The following HOMER2 variants were observed in gnomAD, a reference collection of about 807,000 sequenced individuals.
The protein encoded by HOMER2 is homer protein homolog 2.
A neutral mutation model predicts 47.0 loss-of-function variants in HOMER2; 27 were observed. The observed-to-expected ratio is 0.57, with a 90% CI of 0.42 to 0.79. HOMER2 has a LOEUF of 0.79. Ranked by LOEUF, HOMER2 falls within the 30% of genes least tolerant of loss-of-function variation. HOMER2 has a pLI of 0.00. For missense variants in HOMER2, 443 were observed against 435.0 expected, an observed-to-expected ratio of 1.02 and a Z score of -0.16; for synonymous variants, 161 against 163.8, an observed-to-expected ratio of 0.98 and a Z score of 0.13.
chr15:82,893,583 G>A (rs374594076), intron 1 of HOMER2, among the ~76,000 whole-genome samples: 2 of 150,508 alleles, frequency 1.3e-5, no homozygotes, highest in African/African-American at 4.9e-5. Flanking sequence ...CGCCTGCCTC[G>A]GGCTCCCAAA....
intron 3 of HOMER2, among the ~76,000 whole-genome samples, chr15:82,874,593 G>T (rs193143953): frequency 6.6e-6 from 1 of 152,136 alleles, no homozygotes; most frequent in Non-Finnish European, 1.5e-5. Flanking sequence ...GGCCCTTGGA[G>T]AAGTGACTTG....
rs765127308 is a variant in HOMER2 at position 82,892,102 on chromosome 15, C to T, written c.162+583G>A. Reference sequence around the variant, plus strand: ...GAATAACAAAAATATATATGTATTTCAAGAAATACTCCAAAACCACTTAAT... The same window carrying T: ...GAATAACAAAAATATATATGTATTTTAAGAAATACTCCAAAACCACTTAAT... On this transcript the variant is annotated intron_variant, in intron 2 of 8. Transcript: ENST00000450735. Among the ~76,000 whole-genome samples the T allele has an allele frequency of 8.6e-5, 13 of 151,670 alleles. No individual in the cohort carries two copies. The East Asian group carries it at 1.6e-3, about 18-fold the overall frequency.
At chr15:82,937,896 C>T (rs2054176553) in intron 1 of HOMER2, among the ~76,000 whole-genome samples, 1 of 152,200 alleles carries the variant, frequency 6.6e-6, no homozygotes, top group Non-Finnish European at 1.5e-5. Context: ...TACCAGTGGC[C>T]ACTGGCAGCT....
At chr15:82,955,056 G>A (rs1340601440), upstream of HOMER2, among the ~76,000 whole-genome samples, 8 of 151,650 alleles carry the variant, frequency 5.3e-5, no homozygotes, top group Non-Finnish European at 2.9e-5. Context: ...GATTACAGGC[G>A]TGTGCCACCG....
rs780453833 is a variant in HOMER2, at chr15:82,864,271, G to A, written c.295-12C>T. On this transcript the variant is annotated splice_polypyrimidine_tract_variant and intron_variant, in intron 3 of 8. Transcript: ENST00000450735. ...AATTTCTCTGCAAACTGAACATGAA[G>A]AATAGTTATTAAGGCTTTTATTAAC... 15 of 1,592,128 alleles carry A rather than the reference G, an allele frequency of 9.4e-6. No homozygotes were observed. Among genetic ancestry groups the A allele is most frequent in the African/African-American group, 1.3e-5 (1 of 74,452 alleles).
chr15:82,960,247 G>A (rs1384896553), intron 1 of HOMER2, among the ~76,000 whole-genome samples: 1 of 152,212 alleles, frequency 6.6e-6, no homozygotes, highest in Admixed American at 6.5e-5. Context: ...GAGATAATGA[G>A]TGCAATTTTG....
At chr15:82,843,621 T>A (rs1453695838) in exon 2 of HOMER2, 1 of 151,884 alleles carries the variant, frequency 6.6e-6, no homozygotes, top group East Asian at 1.9e-4. Context: ...AATTTTGTTT[T>A]ACAATGTTTA....
chr15:82,834,759 GA>G (rs1483439963), downstream of HOMER2: 1 of 152,366 alleles, frequency 6.6e-6, no homozygotes, highest in African/African-American at 2.4e-5. Context: ...ACGGGGTAAT[GA>G]AAACATACCT....
intron 2 of HOMER2, among the ~76,000 whole-genome samples, chr15:82,876,745 A>G (rs1400992379): frequency 6.6e-6 from 1 of 152,230 alleles, no homozygotes; most frequent in African/African-American, 2.4e-5. Context: ...TTTCCTTGTA[A>G]CTGATAAAAC....
At chr15:82,896,811 C>T (rs1214530109) in intron 1 of HOMER2, among the ~76,000 whole-genome samples, 1 of 152,170 alleles carries the variant, frequency 6.6e-6, no homozygotes, top group African/African-American at 2.4e-5. Flanking sequence ...TGGGGAGTTC[C>T]ATGCTATTCT....
chr15:82,848,850 C>G (rs539917005), downstream of HOMER2: 1 of 152,474 alleles, frequency 6.6e-6, no homozygotes, highest in South Asian at 2.1e-4. Flanking sequence ...GCCACCCGAG[C>G]CCCAGCTTGG....
At chr15:82,983,281 A>G (rs1234503225) in intron 1 of HOMER2, among the ~76,000 whole-genome samples, 1 of 152,240 alleles carries the variant, frequency 6.6e-6, no homozygotes, top group Admixed American at 6.5e-5. Flanking sequence ...GTAAAGTACA[A>G]CAATCGTTAA....
At chr15:82,927,733 G>C (rs1354094270) in intron 1 of HOMER2, among the ~76,000 whole-genome samples, 2 of 152,140 alleles carry the variant, frequency 1.3e-5, no homozygotes, top group Non-Finnish European at 2.9e-5. Flanking sequence ...CACTTTGGGA[G>C]GCCAAGGTGG....
At position 82,913,091 on chromosome 15, in the gene HOMER2, G is replaced by A. The variant is rs537965939; in HGVS notation, c.6-20250C>T. Among the ~76,000 whole-genome samples the A allele has an allele frequency of 4.6e-5, 7 of 152,302 alleles. No individual in the cohort carries two copies. The South Asian group carries it at 1.0e-3, about 23-fold the overall frequency. On this transcript the variant is annotated intron_variant, in intron 1 of 8. Coordinates refer to ENST00000450735, the MANE Select transcript of HOMER2 (RefSeq NM_004839.4). The surrounding 1 kb of genome is among the most constrained non-coding windows in gnomAD (Gnocchi z 4.1). The stretch of plus-strand genomic sequence containing the variant: ...ACTGTAAAGCAAATGGTTTTTATGC[G>A]GTGCAGCCTTGGAAGTTACAAGCAA...
chr15:82,971,319 G>A (rs1243872785), intron 1 of HOMER2, among the ~76,000 whole-genome samples: 3 of 152,006 alleles, frequency 2.0e-5, no homozygotes, highest in African/African-American at 7.2e-5. Context: ...GGCATGGCTC[G>A]TTTCTAACAT....
At position 82,952,603 on chromosome 15, in the gene HOMER2, C is replaced by T; in HGVS notation, c.-68G>A. ...GCTCGCTCTCCGCCCGCTCGGCAGC[C>T]GCTCCCCGCGCGGCACATGCGGCGG... is the stretch of plus-strand genomic sequence containing the variant. On this transcript the variant is annotated 5_prime_UTR_variant, in exon 1 of 9. Transcript: ENST00000450735. The T allele has an allele frequency of 1.8e-6, 2 of 1,104,272 alleles. No individual in the cohort carries two copies. The highest frequency in any genetic ancestry group is 2.2e-6 in the Non-Finnish European group (2 of 907,288). The allele number at this position is 1,104,272 out of a possible 1,614,324, so 68.4% of individuals were successfully genotyped here. A position where few individuals can be genotyped will look rare whatever the true frequency, so the allele number is the denominator to read the frequency against.
At chr15:82,945,148 T>C (rs1195214777) in intron 1 of HOMER2, among the ~76,000 whole-genome samples, 1 of 151,502 alleles carries the variant, frequency 6.6e-6, no homozygotes, top group Non-Finnish European at 1.5e-5. Flanking sequence ...GATCTTGGTC[T>C]CCTCTACCAT....
intron 1 of HOMER2, among the ~76,000 whole-genome samples, chr15:82,910,703 T>C (rs1045687805): frequency 3.3e-5 from 5 of 152,198 alleles, no homozygotes; most frequent in Admixed American, 3.3e-4. Context: ...GCGTGTTTGA[T>C]GGTCACCAGG....
At chr15:82,890,685 T>C (rs2052675622) in intron 2 of HOMER2, among the ~76,000 whole-genome samples, 1 of 152,246 alleles carries the variant, frequency 6.6e-6, no homozygotes, top group South Asian at 2.1e-4. Context: ...CTAATAGGAC[T>C]AAAGCACTTG....
Sources: allele counts gnomAD v4.1 joint callset (sites outside exome capture counted in the v4.1 genomes callset), GRCh38; gene constraint gnomAD v4.1.1; non-coding constraint Gnocchi (gnomAD v3.1); transcripts MANE v1.5; gene names NCBI Gene and HGNC (gene_info 2026-07-23, HGNC 2026-07-21).